Variants in MYH4 observed in about 807,000 individuals in gnomAD.
MYH4 encodes myosin heavy chain 4.
Under a neutral mutation model 229.9 loss-of-function variants are expected in MYH4, and 200 were observed. The observed-to-expected ratio is 0.87, with a 90% CI of 0.78 to 0.98. The LOEUF is 0.98. Ranked by LOEUF, MYH4 falls within the 50% of genes least tolerant of loss-of-function variation. The pLI is 0.00. For missense variants in MYH4, 2,148 were observed against 2,332.6 expected (o/e 0.92, Z 1.63); for synonymous variants, 761 against 834.6 (o/e 0.91, Z 1.52).
chr17:10,445,288 G>T lies in MYH4; in HGVS notation c.5244C>A (p.Ile1748=). Residue 1748 remains isoleucine, a synonymous_variant, in exon 36 of 40, where the codon ATC becomes ATA. Coordinates refer to ENST00000255381, the MANE Select transcript of MYH4 (RefSeq NM_017533.2). The stretch of plus-strand genomic sequence containing the variant: ...CCTCTGCATTGCGGGCTTCCTGGAC[G>T]ATGTCCTCCATCTCTCCCTGGATTT... ...ISQIQGEMED[I]VQEARNAEEK... is the part of the protein sequence containing the mutation. 1 of 1,614,098 alleles carries T rather than the reference G, an allele frequency of 6.2e-7. No individual in the cohort carries two copies. The highest frequency in any genetic ancestry group is 8.5e-7 in the Non-Finnish European group (1 of 1,180,014).
intron 17 of MYH4, 57 bp from the exon 18 acceptor site, chr17:10,455,958 C>A: frequency 6.3e-7 from 1 of 1,594,452 alleles, no homozygotes; most frequent in Non-Finnish European, 8.6e-7. Flanking sequence ...ACATGAGAGT[C>A]CCTATCAATA....
rs528912241 is a variant in MYH4, at chr17:10,454,189, T to G, written c.2692-304A>C. Among the ~76,000 whole-genome samples, 3 of 152,384 alleles carry G rather than the reference T, an allele frequency of 2.0e-5. No individual in the cohort carries two copies. The East Asian group carries it at 5.8e-4, about 29-fold the overall frequency. On this transcript the variant is annotated intron_variant, in intron 22 of 39. Transcript: ENST00000255381. ...ATCGCTTGTTCATTGTAGGACTCAGTTTTCTCACATTTAAGAGGGGATTAA... is the reference window on the plus strand; with the variant it reads ...ATCGCTTGTTCATTGTAGGACTCAGGTTTCTCACATTTAAGAGGGGATTAA...
Position 10,466,726 on chromosome 17 carries a change from A to G in MYH4, c.20T>C (p.Met7Thr), listed in dbSNP as rs1383307762. 1 of 1,614,254 alleles carries G rather than the reference A, an allele frequency of 6.2e-7. No individual in the cohort carries two copies. Among genetic ancestry groups the G allele is most frequent in the Admixed American group, 1.7e-5 (1 of 60,030 alleles). Residue 7 changes from methionine to threonine, a missense_variant, in exon 3 of 40, where the codon ATG becomes ACG. Transcript: ENST00000255381. The part of the protein sequence containing the change: MSSDSE[M>T]AIFGEAAPFL... ...AGGAGCAGCCTCCCCAAAAATGGCC[A>G]TCTCAGAGTCAGAACTCATGGCTGC...
intron 11 of MYH4, among the ~76,000 whole-genome samples, chr17:10,461,503 A>C (rs1416279595): frequency 1.3e-5 from 2 of 152,044 alleles, no homozygotes; most frequent in Non-Finnish European, 2.9e-5. Context: ...GCATAATCCC[A>C]GTCTACCTTC....
At chr17:10,464,405 C>T (rs2072737692) in intron 7 of MYH4, 67 bp downstream of exon 7, 1 of 1,312,494 alleles carries the variant, frequency 7.6e-7, no homozygotes, top group Non-Finnish European at 1.1e-6. Flanking sequence ...ATACAGTCTA[C>T]TGTTGATGTG....
Position 10,454,959 on chromosome 17 carries a change from C to G in MYH4, c.2417G>C (p.Arg806Thr), listed in dbSNP as rs1685072306. The G allele has an allele frequency of 6.2e-7, 1 of 1,614,232 alleles. No homozygotes were observed. The highest frequency in any genetic ancestry group is 1.7e-5 in the Admixed American group (1 of 60,030). The change falls in exon 21 of 40, where the codon AGA becomes ACA. Residue 806 changes from arginine to threonine, a missense_variant. Coordinates refer to ENST00000255381, the MANE Select transcript of MYH4 (RefSeq NM_017533.2). The stretch of plus-strand genomic sequence containing the variant: ...CTCTCACCTCCTCTCCATCATCTTT[C>G]TGAACTCCACTCTCATCAGGAACCC... ...CRGFLMRVEF[R>T]KMMERRESIF...
rs1238948079 is a variant in MYH4, at chr17:10,443,931, G to C, written c.5668-404C>G. On this transcript the variant is annotated intron_variant, in intron 39 of 39. Coordinates refer to ENST00000255381, the MANE Select transcript of MYH4 (RefSeq NM_017533.2). The surrounding 1 kb of genome is among the most constrained non-coding windows in gnomAD (Gnocchi z 4.6). ...TCTGCCTCGAAAAAAAAAAAAAGAA[G>C]AGAAAAAGGCTTTATTATTTAGTAA... Among the ~76,000 whole-genome samples, 4 of 151,044 alleles carry C rather than the reference G, an allele frequency of 2.6e-5. No individual in the cohort carries two copies. Among genetic ancestry groups the C allele is most frequent in the Non-Finnish European group, 4.4e-5 (3 of 67,744 alleles).
At position 10,445,362 on chromosome 17, in the gene MYH4, T is replaced by G. The variant is rs1014671185; in HGVS notation, c.5170A>C (p.Asn1724His). 1 of 1,608,730 alleles carries G rather than the reference T, an allele frequency of 6.2e-7. No individual in the cohort carries two copies. Among genetic ancestry groups the G allele is most frequent in the African/African-American group, 1.3e-5 (1 of 74,120 alleles). ...TTCTTGGTGTTGATCAGGCTGGTGT[T>G]CTGTTTCAAATTAATGAAAGAGAAG... is the stretch of plus-strand genomic sequence containing the variant. ...SERVQLLHTQ[N>H]TSLINTKKKL... Residue 1724 changes from asparagine (N) to histidine (H), a missense_variant and splice_region_variant, in exon 36 of 40, where the codon AAC becomes CAC. By Grantham distance (68) the Asn-to-His change is moderately conservative (BLOSUM62 1). Coordinates refer to ENST00000255381, the MANE Select transcript of MYH4 (RefSeq NM_017533.2).
At chr17:10,459,604 G>A (rs1305474311) in intron 14 of MYH4, among the ~76,000 whole-genome samples, 183 bp from the exon 15 acceptor site, 1 of 151,968 alleles carries the variant, frequency 6.6e-6, no homozygotes, top group Non-Finnish European at 1.5e-5. Flanking sequence ...TATTTTCCAA[G>A]TAACTGCATG....
At chr17:10,458,108 G>A (rs2072661728) in intron 15 of MYH4, among the ~76,000 whole-genome samples, 1 of 152,162 alleles carries the variant, frequency 6.6e-6, no homozygotes, top group Admixed American at 6.5e-5. Context: ...AGGGAAGAGA[G>A]ATTATGTGTA....
intron 35 of MYH4, 142 bp downstream of exon 35, chr17:10,446,871 T>G: frequency 1.3e-6 from 1 of 772,282 alleles, no homozygotes; most frequent in African/African-American, 1.7e-5. Context: ...TAGGTCCCAG[T>G]AAATCCTTAC....
Position 10,450,641 on chromosome 17 carries a change from G to A in MYH4, c.3993C>T (p.Ser1331=), listed in dbSNP as rs1297253953. 6.2e-7 allele frequency: 1 copy of A among 1,614,114 alleles called. No homozygotes were observed. The highest frequency in any genetic ancestry group is 8.5e-7 in the Non-Finnish European group (1 of 1,179,988). ...RQLEEETKAK[S]TLAHALQSAR... ...CTGACTGCAGGGCATGGGCCAGAGT[G>A]CTCTTGGCCTAGACCAACCAAAAAC... The change falls in exon 30 of 40, where the codon AGC becomes AGT. Residue 1331 remains serine (S), a synonymous_variant. Transcript: ENST00000255381.
intron 24 of MYH4, 33 bp from the exon 25 acceptor site, chr17:10,452,965 T>C (rs752989336): frequency 4.4e-6 from 7 of 1,595,308 alleles, no homozygotes; most frequent in Admixed American, 3.7e-5. Flanking sequence ...TTATTTCAGC[T>C]CTTAAGCACT....
In MYH4 at chr17:10,461,005, T is replaced by G; in HGVS notation, c.1058A>C (p.Tyr353Ser). ...ATGCATCACGGCTCCAGTGAGCTTG[T>G]AAATGGCCACCTTTTCATCAGCAGT... Reference protein sequence around the residue: ...GFTADEKVAIYKLTGAVMHYG... With the variant: ...GFTADEKVAISKLTGAVMHYG... The change falls in exon 12 of 40, where the codon TAC (tyrosine) becomes TCC (serine). Residue 353 changes from tyrosine to serine, a missense_variant. Tyr to Ser is a moderately radical substitution (Grantham distance 144). Transcript: ENST00000255381. 2.5e-6 allele frequency: 4 copies of G among 1,614,114 alleles called. No homozygotes were observed. Among genetic ancestry groups the G allele is most frequent in the Non-Finnish European group, 3.4e-6 (4 of 1,180,004 alleles).
chr17:10,460,117 T>C lies in MYH4; in HGVS notation c.1267-16A>G. 2 of 1,614,132 alleles carry C rather than the reference T, an allele frequency of 1.2e-6. No individual in the cohort carries two copies. The highest frequency in any genetic ancestry group is 1.7e-6 in the Non-Finnish European group (2 of 1,179,974). ...CATTGTACACCTTCAACAGAAGTGA[T>C]AGTTTAGTTTTTTAAATTGAAAACA... On this transcript the variant is annotated splice_polypyrimidine_tract_variant and intron_variant, in intron 13 of 39. Transcript: ENST00000255381.
intron 15 of MYH4, 149 bp from the exon 16 acceptor site, chr17:10,457,878 A>G (rs2072659652): frequency 1.8e-6 from 2 of 1,113,904 alleles, no homozygotes; most frequent in East Asian, 2.6e-5. Context: ...GTCATTATGT[A>G]CCCAGAACAT....
At chr17:10,448,159 A>T in intron 33 of MYH4, 33 bp from the exon 34 acceptor site, 1 of 1,554,282 alleles carries the variant, frequency 6.4e-7, no homozygotes, top group Non-Finnish European at 8.7e-7. Context: ...TAGGTTACCT[A>T]AAGAGCTTTT....
In MYH4 at chr17:10,443,995, T is replaced by C. The variant is rs1328807941; in HGVS notation, c.5668-468A>G. 6.6e-6 allele frequency among the ~76,000 whole-genome samples: 1 copy of C among 152,124 alleles called. No individual in the cohort carries two copies. The highest frequency in any genetic ancestry group is 1.5e-5 in the Non-Finnish European group (1 of 68,030). The stretch of plus-strand genomic sequence containing the variant: ...GAGCAAGGCATCCCACAAACTCGCC[T>C]ATGTAAATGAATGTGCTTATGACCC... On this transcript the variant is annotated intron_variant, in intron 39 of 39. Coordinates refer to ENST00000255381, the MANE Select transcript of MYH4 (RefSeq NM_017533.2). The surrounding 1 kb of genome is among the most constrained non-coding windows in gnomAD (Gnocchi z 4.6).
intron 30 of MYH4, among the ~76,000 whole-genome samples, chr17:10,449,561 A>T (rs1181689089): frequency 6.6e-6 from 1 of 152,206 alleles, no homozygotes; most frequent in Non-Finnish European, 1.5e-5. Flanking sequence ...ATCACCAAGG[A>T]ATGGTAGCAT....
Sources: gnomAD v4.1 joint callset for allele counts (sites outside exome capture counted in the v4.1 genomes callset) on GRCh38, gnomAD v4.1.1 for gene constraint, Gnocchi (gnomAD v3.1) non-coding constraint, MANE v1.5 for transcripts, NCBI Gene and HGNC (gene_info 2026-07-23, HGNC 2026-07-21) for gene names.